The following SAMD12 variants were observed in gnomAD, a reference collection of about 807,000 sequenced individuals.
The protein encoded by SAMD12 is sterile alpha motif domain-containing protein 12.
SAMD12 carries 9 observed loss-of-function variants against 15.0 expected under a neutral mutation model. The ratio of observed to expected loss-of-function variants is 0.60; its 90% CI spans 0.36 to 1.05. The LOEUF (loss-of-function observed/expected upper bound fraction) is 1.05. Among genes scored for constraint, SAMD12 ranks in the 50% least tolerant of loss-of-function variants. The pLI is 0.01. For synonymous variants in SAMD12, 86 were observed against 90.1 expected (o/e 0.96, Z 0.25); for missense variants, 230 against 234.2 (o/e 0.98, Z 0.12).
At chr8:118,554,048 G>A (rs1348970758) in intron 2 of SAMD12, among the ~76,000 whole-genome samples, 1 of 152,084 alleles carries the variant, frequency 6.6e-6, no homozygotes, top group Non-Finnish European at 1.5e-5. Context: ...TGCTGGAGCG[G>A]ATGTGGAGAA....
At chr8:118,239,129 G>A (rs909063174) in intron 4 of SAMD12, among the ~76,000 whole-genome samples, 57 of 152,112 alleles carry the variant, frequency 3.7e-4, no homozygotes, top group African/African-American at 1.4e-3. Flanking sequence ...TAGTGGTGAT[G>A]ATGATGATGA....
chr8:118,201,159 C>A (rs1161427717), intron 4 of SAMD12, among the ~76,000 whole-genome samples: 1 of 152,172 alleles, frequency 6.6e-6, no homozygotes, highest in Non-Finnish European at 1.5e-5. Flanking sequence ...ACAGCCCTGG[C>A]TCTGAAAAGG....
intron 4 of SAMD12, among the ~76,000 whole-genome samples, chr8:118,232,670 T>C (rs1812342258): frequency 6.6e-6 from 1 of 152,062 alleles, no homozygotes; most frequent in African/African-American, 2.4e-5. Context: ...AGCGTGTGCA[T>C]GTGCACGTGT....
chr8:118,162,170 AAAG>A, the SAMD12 span, among the ~76,000 whole-genome samples: 1 of 66,790 alleles, frequency 1.5e-5, no homozygotes, highest in African/African-American at 4.1e-5. Context: ...AAAAAAAAAA[AAAG>A]AAGAAGAAGA....
the SAMD12 span, among the ~76,000 whole-genome samples, chr8:118,139,964 C>T: frequency 5.9e-5 from 9 of 152,156 alleles, no homozygotes; most frequent in African/African-American, 1.9e-4. Flanking sequence ...AGCTGGAAGG[C>T]GCTGGACTTC....
intron 4 of SAMD12, among the ~76,000 whole-genome samples, chr8:118,211,679 T>A (rs866571393): frequency 3.1e-4 from 47 of 152,004 alleles, no homozygotes; most frequent in South Asian, 2.7e-3. Context: ...ACTCTACAAG[T>A]AAGCTTTTTT....
chr8:118,450,294 C>G (rs994169913), intron 2 of SAMD12, among the ~76,000 whole-genome samples: 7 of 152,304 alleles, frequency 4.6e-5, no homozygotes, highest in African/African-American at 1.7e-4. Flanking sequence ...GTCCTGGCAG[C>G]CTGGATGGCT....
intron 2 of SAMD12, among the ~76,000 whole-genome samples, chr8:118,539,521 G>A (rs1825935029): frequency 6.6e-6 from 1 of 152,090 alleles, no homozygotes; most frequent in African/African-American, 2.4e-5. Context: ...GGCTCATAGT[G>A]GACACTCTTG....
In SAMD12 at chr8:118,317,152, G is replaced by T. The variant is rs547315737; in HGVS notation, c.433+62408C>A. 2.3e-4 allele frequency among the ~76,000 whole-genome samples: 35 copies of T among 152,236 alleles called. 1 individual carries two copies. In the South Asian group the frequency reaches 4.8e-3, roughly 21 times the overall value. On this transcript the variant is annotated intron_variant, in intron 4 of 4. Transcript: ENST00000409003. Reference sequence around the variant, plus strand: ...GGCCTAAGGAGAGACCACCTCTACAGACACCTAGATCTCAGATTTCTAATC... The same window carrying T: ...GGCCTAAGGAGAGACCACCTCTACATACACCTAGATCTCAGATTTCTAATC...
At chr8:118,413,519 C>T (rs1471981424) in intron 3 of SAMD12, among the ~76,000 whole-genome samples, 1 of 152,158 alleles carries the variant, frequency 6.6e-6, no homozygotes, top group African/African-American at 2.4e-5. Context: ...CAGCCTAGAG[C>T]ACTGCATCCA....
At position 118,285,783 on chromosome 8, in the gene SAMD12, C is replaced by T. The variant is rs369973680; in HGVS notation, c.434-88051G>A. Among the ~76,000 whole-genome samples, 116 of 152,236 alleles carry T rather than the reference C, an allele frequency of 7.6e-4. 1 individual carries two copies. The highest frequency in any genetic ancestry group is 2.7e-3 in the African/African-American group (114 of 41,544). ...GATACTATATGTCCTGGACTTAGTCCAGTATCTGGTGCATGATGGGTGTAC... is the reference window on the plus strand; with the variant it reads ...GATACTATATGTCCTGGACTTAGTCTAGTATCTGGTGCATGATGGGTGTAC... On this transcript the variant is annotated intron_variant, in intron 4 of 4. Coordinates refer to the SAMD12 transcript ENST00000409003.
At chr8:118,539,524 C>T (rs1825935193) in intron 2 of SAMD12, among the ~76,000 whole-genome samples, 1 of 152,126 alleles carries the variant, frequency 6.6e-6, no homozygotes, top group South Asian at 2.1e-4. Context: ...TCATAGTGGA[C>T]ACTCTTGGGA....
chr8:118,434,441 G>A (rs1178847479), intron 3 of SAMD12, among the ~76,000 whole-genome samples: 1 of 152,118 alleles, frequency 6.6e-6, no homozygotes, highest in Non-Finnish European at 1.5e-5. Context: ...TTTATATTCT[G>A]GGGAGCTCTG....
chr8:118,135,581 C>T, the SAMD12 span, among the ~76,000 whole-genome samples: 1 of 152,150 alleles, frequency 6.6e-6, no homozygotes, highest in African/African-American at 2.4e-5. Flanking sequence ...CTTGCTCTGT[C>T]ACCCAGGCTG....
the SAMD12 span, among the ~76,000 whole-genome samples, chr8:118,146,370 G>C: frequency 1.3e-5 from 2 of 152,146 alleles, no homozygotes; most frequent in Admixed American, 1.3e-4. Flanking sequence ...GGTAAAGAAC[G>C]GAGGGCCTTG....
At chr8:118,548,421 A>C (rs568368387) in intron 2 of SAMD12, among the ~76,000 whole-genome samples, 1,532 of 120,644 alleles carry the variant, frequency 0.013, 34 homozygotes, top group African/African-American at 0.045. Flanking sequence ...ACACACACAC[A>C]CACCCCATGT....
exon 5 of SAMD12, chr8:118,197,673 C>G (rs755465474): frequency 1.1e-5 from 18 of 1,584,548 alleles, no homozygotes; most frequent in Non-Finnish European, 1.6e-5. Context: ...ATGTTCATAT[C>G]AACTGGCAGG....
intron 4 of SAMD12, among the ~76,000 whole-genome samples, chr8:118,370,246 G>A (rs903944577): frequency 7.9e-5 from 12 of 152,162 alleles, no homozygotes; most frequent in East Asian, 1.9e-4. Flanking sequence ...ACCATCTCAC[G>A]CCAGTCCTAA....
rs923924240 is a variant in SAMD12, at chr8:118,240,250, T to C, written c.434-42518A>G. ...GATGACTGCAGCCCTGATTGACACA[T>C]TGACTGCAACGTCAAGAAAGACTGC... On this transcript the variant is annotated intron_variant, in intron 4 of 4. Transcript: ENST00000409003. Among the ~76,000 whole-genome samples the C allele has an allele frequency of 5.9e-5, 9 of 152,252 alleles. No homozygotes were observed. In the East Asian group the frequency reaches 7.7e-4, roughly 13 times the overall value.
Sources: gnomAD v4.1 joint callset for allele counts (sites outside exome capture counted in the v4.1 genomes callset) on GRCh38, gnomAD v4.1.1 for gene constraint, MANE v1.5 for transcripts, NCBI Gene and HGNC (gene_info 2026-07-23, HGNC 2026-07-21) for gene names.